Variants in C10orf90 observed in about 807,000 individuals in gnomAD.
C10orf90 encodes (E2-independent) E3 ubiquitin-conjugating enzyme FATS.
In C10orf90, 56 loss-of-function variants were observed where a neutral mutation model predicts 62.5. The observed-to-expected ratio is 0.90, with a 90% CI of 0.72 to 1.12. C10orf90 has a LOEUF of 1.12. Among genes scored for constraint, C10orf90 ranks in the 50% most tolerant of loss-of-function variants. C10orf90 has a pLI of 0.00. For missense variants in C10orf90, 970 were observed against 880.4 expected (o/e 1.10, Z -1.29); for synonymous variants, 386 against 340.4 (o/e 1.13, Z -1.47).
chr10:126,591,427 C>G (rs1460573012), intron 2 of C10orf90, among the ~76,000 whole-genome samples: 1 of 152,168 alleles, frequency 6.6e-6, no homozygotes, highest in African/African-American at 2.4e-5. Flanking sequence ...ATCACATAAA[C>G]AGATCTAAAG....
At chr10:126,501,657 A>G (rs780606032) in intron 4 of C10orf90, among the ~76,000 whole-genome samples, 9 of 152,208 alleles carry the variant, frequency 5.9e-5, no homozygotes, top group Non-Finnish European at 1.2e-4. Flanking sequence ...TCACTGAGCT[A>G]GAAATAATAG....
intron 4 of C10orf90, among the ~76,000 whole-genome samples, chr10:126,495,772 C>A (rs1862013131): frequency 6.6e-6 from 1 of 152,182 alleles, no homozygotes; most frequent in Non-Finnish European, 1.5e-5. Flanking sequence ...TTTCCAGGGT[C>A]ATCTGTATCT....
At chr10:126,585,890 G>C (rs929076837) in intron 2 of C10orf90, among the ~76,000 whole-genome samples, 2 of 152,068 alleles carry the variant, frequency 1.3e-5, no homozygotes, top group African/African-American at 4.8e-5. Flanking sequence ...ATTCTCAAGC[G>C]ACCCTGGCCC....
Position 126,670,280 on chromosome 10 carries a change from T to A in C10orf90, c.201A>T (p.Gln67His), listed in dbSNP as rs1846722420. ...CTGTCTGCTCAGCCGTCTTCAAGCC[T>A]TGACACATATGGATGATACAAACTT... Reference protein sequence around the residue: ...RAKVCIIHMCQGLKTAEQTAS... With the variant: ...RAKVCIIHMCHGLKTAEQTAS... The change falls in exon 1 of 10, where the codon CAA (glutamine) becomes CAT (histidine). Residue 67 changes from glutamine to histidine, a missense_variant. Physicochemically the swap from Gln to His is conservative, Grantham distance 24. Coordinates refer to ENST00000488181, the MANE Select transcript of C10orf90 (RefSeq NM_001350921.2). 2.2e-6 allele frequency: 1 copy of A among 456,528 alleles called. No individual in the cohort carries two copies. Among genetic ancestry groups the A allele is most frequent in the African/African-American group, 2.0e-5 (1 of 50,038 alleles). 28.3% of individuals were successfully genotyped at this position (456,528 alleles called of 1,614,324 possible).
intron 5 of C10orf90, 94 bp from the exon 6 acceptor site, chr10:126,461,679 A>T: frequency 8.0e-7 from 1 of 1,256,788 alleles, no homozygotes; most frequent in Non-Finnish European, 1.1e-6. Flanking sequence ...AATTTTGAAA[A>T]TAGAAACGCC....
chr10:126,595,654 C>T (rs945340126), intron 2 of C10orf90, among the ~76,000 whole-genome samples: 1 of 152,068 alleles, frequency 6.6e-6, no homozygotes, highest in African/African-American at 2.4e-5. Context: ...CTTCTCTGGG[C>T]CCCGTTCCCC....
At chr10:126,630,415 C>T (rs1012755780) in intron 2 of C10orf90, among the ~76,000 whole-genome samples, 2 of 152,074 alleles carry the variant, frequency 1.3e-5, no homozygotes, top group African/African-American at 2.4e-5. Context: ...GATGTGATGG[C>T]CCAGGCAGGG....
intron 2 of C10orf90, among the ~76,000 whole-genome samples, chr10:126,632,971 A>G (rs960974545): frequency 3.9e-5 from 6 of 152,150 alleles, no homozygotes; most frequent in African/African-American, 1.4e-4. Flanking sequence ...TCCATAAGCC[A>G]CTGAGTTGGA....
At chr10:126,660,896 T>C (rs770621772) in intron 1 of C10orf90, among the ~76,000 whole-genome samples, 9 of 152,222 alleles carry the variant, frequency 5.9e-5, no homozygotes, top group Non-Finnish European at 1.3e-4. Context: ...ATCATTTCCC[T>C]TGGACTGGAG....
At chr10:126,475,223 A>T (rs898582755) in intron 4 of C10orf90, among the ~76,000 whole-genome samples, 5 of 152,222 alleles carry the variant, frequency 3.3e-5, no homozygotes, top group African/African-American at 1.2e-4. Context: ...GCAAGCCACA[A>T]AACATCTTGA....
intron 2 of C10orf90, among the ~76,000 whole-genome samples, chr10:126,634,237 T>C (rs1845905754): frequency 1.3e-5 from 2 of 152,276 alleles, no homozygotes; most frequent in South Asian, 4.2e-4. Context: ...TGTCCATCAA[T>C]AGGTGAATGG....
In C10orf90 at chr10:126,514,051, C is replaced by A; in HGVS notation, c.314-112G>T. The A allele has an allele frequency of 4.1e-6, 3 of 728,810 alleles. No individual in the cohort carries two copies. The South Asian group carries it at 5.4e-5, about 13-fold the overall frequency. 45.1% of individuals were successfully genotyped at this position (728,810 alleles called of 1,614,324 possible). On this transcript the variant is annotated intron_variant, in intron 2 of 9. Coordinates refer to ENST00000488181, the MANE Select transcript of C10orf90 (RefSeq NM_001350921.2). ...CCTACTCACATATTCTATCAGCCAA[C>A]AGTAAATCCAGGATAGTCTAACCAT...
At chr10:126,477,708 T>A (rs1420642368) in intron 4 of C10orf90, among the ~76,000 whole-genome samples, 2 of 152,198 alleles carry the variant, frequency 1.3e-5, no homozygotes, top group African/African-American at 4.8e-5. Context: ...TTTCTAAAAG[T>A]GGTCATTTGT....
At chr10:126,658,102 G>A (rs1846433436) in intron 1 of C10orf90, among the ~76,000 whole-genome samples, 1 of 152,206 alleles carries the variant, frequency 6.6e-6, no homozygotes, top group Non-Finnish European at 1.5e-5. Flanking sequence ...GTGAGTACAA[G>A]GTGAGCGCAT....
intron 4 of C10orf90, among the ~76,000 whole-genome samples, chr10:126,485,162 C>T (rs1424884705): frequency 1.3e-5 from 2 of 152,132 alleles, no homozygotes; most frequent in African/African-American, 4.8e-5. Flanking sequence ...TAAGCAGCAG[C>T]CAGTGAGCTA....
chr10:126,493,154 T>G, intron 4 of C10orf90, among the ~76,000 whole-genome samples: 1 of 128,294 alleles, frequency 7.8e-6, no homozygotes, highest in Admixed American at 8.2e-5. Context: ...ATAATCCCTC[T>G]TTTTTGTTGA....
chr10:126,661,389 G>A (rs554893082), intron 1 of C10orf90, among the ~76,000 whole-genome samples: 3 of 152,200 alleles, frequency 2.0e-5, no homozygotes, highest in Non-Finnish European at 4.4e-5. Flanking sequence ...TATGAATACA[G>A]ATGAGAAAAC....
At chr10:126,454,315 C>A (rs1237170831) in intron 7 of C10orf90, among the ~76,000 whole-genome samples, 2 of 151,758 alleles carry the variant, frequency 1.3e-5, no homozygotes, top group African/African-American at 2.4e-5. Context: ...AGGAGTTGCA[C>A]CCCTACTGCC....
chr10:126,632,493 A>T (rs888211555), intron 2 of C10orf90, among the ~76,000 whole-genome samples: 1 of 151,850 alleles, frequency 6.6e-6, no homozygotes, highest in East Asian at 2.0e-4. Flanking sequence ...TATCTACCAA[A>T]TGGGAATATT....
Sources: gnomAD v4.1 joint callset for allele counts (sites outside exome capture counted in the v4.1 genomes callset) on GRCh38, gnomAD v4.1.1 for gene constraint, MANE v1.5 for transcripts, NCBI Gene and HGNC (gene_info 2026-07-23, HGNC 2026-07-21) for gene names.